The following CWC27 variants were observed in gnomAD, a reference collection of about 807,000 sequenced individuals.
The protein encoded by CWC27 is CWC27 spliceosome associated cyclophilin.
Under a neutral mutation model 63.6 loss-of-function variants are expected in CWC27, and 47 were observed. The ratio of observed to expected loss-of-function variants is 0.74; its 90% CI spans 0.58 to 0.94. CWC27 has a LOEUF of 0.94. Ranked by LOEUF, CWC27 falls within the 40% of genes least tolerant of loss-of-function variation. The pLI is 0.00. For synonymous variants in CWC27, 175 were observed against 179.8 expected (o/e 0.97, Z 0.22); for missense variants, 495 against 554.3 (o/e 0.89, Z 1.07).
At chr5:64,904,743 G>C (rs2112368642) in intron 11 of CWC27, among the ~76,000 whole-genome samples, 1 of 152,334 alleles carries the variant, frequency 6.6e-6, no homozygotes, top group South Asian at 2.1e-4. Flanking sequence ...GCAACCCAGA[G>C]TTCCAAAACG....
intron 10 of CWC27, among the ~76,000 whole-genome samples, chr5:64,846,061 A>C (rs1745968986): frequency 6.6e-6 from 1 of 152,238 alleles, no homozygotes; most frequent in African/African-American, 2.4e-5. Context: ...AGGCCAGGAG[A>C]GAGTGGCATA....
intron 13 of CWC27, among the ~76,000 whole-genome samples, chr5:64,993,177 G>A (rs966977066): frequency 3.3e-5 from 5 of 152,150 alleles, no homozygotes; most frequent in Non-Finnish European, 5.9e-5. Flanking sequence ...CTTAGAGAGT[G>A]CTCAGGAAAT....
At chr5:64,789,791 T>G (rs528556985) in intron 7 of CWC27, among the ~76,000 whole-genome samples, 1 of 152,284 alleles carries the variant, frequency 6.6e-6, no homozygotes, top group Admixed American at 6.5e-5. Flanking sequence ...ATGCCTTTCT[T>G]TTTTGAAAAT....
chr5:64,776,087 G>T (rs1743436491), intron 2 of CWC27, among the ~76,000 whole-genome samples: 1 of 76,978 alleles, frequency 1.3e-5, no homozygotes, highest in South Asian at 4.9e-4. Context: ...GAGAGAGAGA[G>T]AGAGAGAGAG....
chr5:64,890,144 C>G (rs543323945), intron 11 of CWC27, among the ~76,000 whole-genome samples: 1 of 152,122 alleles, frequency 6.6e-6, no homozygotes, highest in Admixed American at 6.5e-5. Flanking sequence ...GCAGACAATT[C>G]CTGCTCTATG....
At chr5:64,797,672 A>G (rs1427041328) in intron 7 of CWC27, among the ~76,000 whole-genome samples, 1 of 152,196 alleles carries the variant, frequency 6.6e-6, no homozygotes, top group Non-Finnish European at 1.5e-5. Flanking sequence ...AAATTAGCTA[A>G]ATGGAGCTAA....
rs140354613 is a variant in CWC27, at chr5:64,903,780, G to A, written c.1042+18234G>A. 8.5e-5 allele frequency among the ~76,000 whole-genome samples: 13 copies of A among 152,212 alleles called. No homozygotes were observed. In the East Asian group the frequency reaches 9.7e-4, roughly 11 times the overall value. Reference sequence around the variant, plus strand: ...ATTAAGCATAGAGTTCCCACATACCGTCCTTTCTGACGCCCCTCACAGTTT... The same window carrying A: ...ATTAAGCATAGAGTTCCCACATACCATCCTTTCTGACGCCCCTCACAGTTT... On this transcript the variant is annotated intron_variant, in intron 11 of 13. Coordinates refer to ENST00000381070, the MANE Select transcript of CWC27 (RefSeq NM_005869.4).
intron 11 of CWC27, among the ~76,000 whole-genome samples, chr5:64,913,978 G>A (rs540233818): frequency 2.0e-5 from 3 of 152,060 alleles, no homozygotes; most frequent in Non-Finnish European, 4.4e-5. Flanking sequence ...TTGATATGAT[G>A]ACTGACAAAT....
intron 10 of CWC27, among the ~76,000 whole-genome samples, chr5:64,871,391 C>A (rs1333269672): frequency 6.6e-6 from 1 of 151,952 alleles, no homozygotes; most frequent in African/African-American, 2.4e-5. Flanking sequence ...GGCATGGAAG[C>A]TATGATCTGA....
At chr5:64,999,930 C>G (rs1749702350) in intron 13 of CWC27, among the ~76,000 whole-genome samples, 1 of 152,008 alleles carries the variant, frequency 6.6e-6, no homozygotes, top group African/African-American at 2.4e-5. Flanking sequence ...TCCATGGTGG[C>G]TATACTAATT....
chr5:64,867,507 C>T (rs73105209), intron 10 of CWC27, among the ~76,000 whole-genome samples: 1,656 of 152,130 alleles, frequency 0.011, 26 homozygotes, highest in African/African-American at 0.038. Context: ...ACTAGCATAA[C>T]GGAGCCAATC....
At chr5:65,012,570 A>G (rs1159240356) in intron 13 of CWC27, among the ~76,000 whole-genome samples, 1 of 152,220 alleles carries the variant, frequency 6.6e-6, no homozygotes, top group Non-Finnish European at 1.5e-5. Flanking sequence ...TTGTTTTACC[A>G]GTGTCCAGCG....
At chr5:64,967,143 T>C (rs1435604717) in intron 11 of CWC27, among the ~76,000 whole-genome samples, 1 of 152,072 alleles carries the variant, frequency 6.6e-6, no homozygotes, top group African/African-American at 2.4e-5. Flanking sequence ...ATTACCCATA[T>C]TTGTTTCAAA....
chr5:64,936,347 A>T lies in CWC27; in HGVS notation c.1043-35356A>T, dbSNP rs144205645. On this transcript the variant is annotated intron_variant, in intron 11 of 13. Transcript: ENST00000381070. ...TTTATCGAAGGCCTTTTCTGCATCTATTGAGATAATCATGTGGTTTTTGTC... is the reference window on the plus strand; with the variant it reads ...TTTATCGAAGGCCTTTTCTGCATCTTTTGAGATAATCATGTGGTTTTTGTC... Among the ~76,000 whole-genome samples, 1,424 of 152,310 alleles carry T rather than the reference A, an allele frequency of 9.3e-3. 9 individuals are homozygous for T. Among genetic ancestry groups the T allele is most frequent in the South Asian group, 0.019 (90 of 4,826 alleles).
At chr5:64,977,814 A>G (rs1445340527) in intron 13 of CWC27, among the ~76,000 whole-genome samples, 1 of 148,120 alleles carries the variant, frequency 6.8e-6, no homozygotes, top group African/African-American at 2.5e-5. Context: ...TATACTGGCA[A>G]AAAAAAAAAG....
Position 64,808,222 on chromosome 5 carries a change from A to G in CWC27, c.938+3836A>G, listed in dbSNP as rs1046761396. On this transcript the variant is annotated intron_variant, in intron 10 of 13. Transcript: ENST00000381070. ...AGATCCCCAGGTGATTTTTGTGTGCATTAGTTTGAGAAGCAGTCCTGTAGA... is the reference window on the plus strand; with the variant it reads ...AGATCCCCAGGTGATTTTTGTGTGCGTTAGTTTGAGAAGCAGTCCTGTAGA... 4 of 1,008,812 alleles carry G rather than the reference A, an allele frequency of 4.0e-6. No individual in the cohort carries two copies. In the East Asian group the frequency reaches 3.1e-4, roughly 79 times the overall value. The allele number at this position is 1,008,812 out of a possible 1,614,324, so 62.5% of individuals were successfully genotyped here.
intron 11 of CWC27, among the ~76,000 whole-genome samples, chr5:64,960,758 C>G (rs73109580): frequency 0.01 from 1,568 of 151,684 alleles, 30 homozygotes; most frequent in African/African-American, 0.036. Flanking sequence ...TTAACAGTTG[C>G]TGTCACAGAA....
chr5:65,000,641 T>C lies in CWC27; in HGVS notation c.1257-17518T>C, dbSNP rs542213193. Among the ~76,000 whole-genome samples, 16 of 152,238 alleles carry C rather than the reference T, an allele frequency of 1.1e-4. No homozygotes were observed. In the South Asian group the frequency reaches 2.9e-3, roughly 28 times the overall value. ...GTTGAAAGTCAGTTGGCTGTACATA[T>C]GTGCATTTATTTCTGGGTTCTCTAT... On this transcript the variant is annotated intron_variant, in intron 13 of 13. Transcript: ENST00000381070.
chr5:65,010,655 C>T (rs1749936113), intron 13 of CWC27, among the ~76,000 whole-genome samples: 5 of 151,988 alleles, frequency 3.3e-5, no homozygotes, highest in Admixed American at 2.6e-4. Flanking sequence ...GAAGGCTGTC[C>T]GAGGACAATA....
Sources: gnomAD v4.1 joint callset for allele counts (sites outside exome capture counted in the v4.1 genomes callset) on GRCh38, gnomAD v4.1.1 for gene constraint, MANE v1.5 for transcripts, NCBI Gene and HGNC (gene_info 2026-07-23, HGNC 2026-07-21) for gene names.